Variants in CASK observed in about 807,000 individuals in gnomAD.
CASK encodes the protein peripheral plasma membrane protein CASK.
CASK carries 4 observed loss-of-function variants against 82.9 expected under a neutral mutation model. That is an observed-to-expected ratio of 0.05 (90% CI 0.02 to 0.11). The LOEUF is 0.11. Among genes scored for constraint, CASK ranks in the 10% least tolerant of loss-of-function variants. The pLI, the probability that CASK is intolerant of heterozygous loss-of-function variation, is 1.00. For synonymous variants in CASK, 259 were observed against 253.5 expected (o/e 1.02, Z -0.20); for missense variants, 358 against 720.9 (o/e 0.50, Z 5.76).
intron 11 of CASK, among the ~76,000 whole-genome samples, chrX:41,618,478 T>G (rs1294355198): frequency 1.8e-5 from 2 of 111,235 alleles, no homozygotes; most frequent in Middle Eastern, 4.2e-3. Flanking sequence ...TTTAAAAAGT[T>G]TTTTGTAGAG....
chrX:41,789,952 CAG>C lies in CASK; in HGVS notation c.173-2671_173-2670del, dbSNP rs534961203. Among the ~76,000 whole-genome samples the C allele has an allele frequency of 5.0e-4, 56 of 111,231 alleles. No homozygotes were observed. The South Asian group carries it at 0.021, about 41-fold the overall frequency. On this transcript the variant is annotated intron_variant, in intron 2 of 26. Coordinates refer to ENST00000378163, the MANE Select transcript of CASK (RefSeq NM_001367721.1). Reference sequence around the variant, plus strand: ...AAATTGTATTTTTCCTTTTTTGAGACAGAGTCTTGCTCTGTTGCCCAGGTTGG... The same window carrying C: ...AAATTGTATTTTTCCTTTTTTGAGACAGTCTTGCTCTGTTGCCCAGGTTGG...
intron 5 of CASK, among the ~76,000 whole-genome samples, chrX:41,677,365 G>A (rs1248144623): frequency 9.0e-6 from 1 of 111,201 alleles, no homozygotes; most frequent in Admixed American, 9.6e-5. Context: ...AATATCTGAA[G>A]TCAGAAGAAA....
chrX:41,718,176 C>T (rs1157001887), intron 5 of CASK, among the ~76,000 whole-genome samples: 1 of 113,262 alleles, frequency 8.8e-6, no homozygotes, highest in Non-Finnish European at 1.9e-5. Flanking sequence ...GTGGAGGTTC[C>T]TGGAGGGTGA....
intron 8 of CASK, among the ~76,000 whole-genome samples, chrX:41,650,311 A>T (rs1287353265): frequency 9.0e-6 from 1 of 111,126 alleles, no homozygotes; most frequent in Admixed American, 9.6e-5. Context: ...TTAGCTGGTT[A>T]TTTTGCTCGT....
chrX:41,919,708 A>G (rs748930968), intron 1 of CASK, among the ~76,000 whole-genome samples: 75 of 112,329 alleles, frequency 6.7e-4, no homozygotes, highest in Non-Finnish European at 1.2e-3. Context: ...AGATAGTTAC[A>G]TAGAAAATGT....
chrX:41,631,489 A>G (rs1165728967), intron 9 of CASK, among the ~76,000 whole-genome samples: 3 of 111,386 alleles, frequency 2.7e-5, no homozygotes, highest in African/African-American at 9.8e-5. Context: ...TTGTTTTGAG[A>G]TAGAATTTCG....
At chrX:41,900,871 G>A (rs780839529) in intron 1 of CASK, among the ~76,000 whole-genome samples, 25 of 103,814 alleles carry the variant, frequency 2.4e-4, no homozygotes, top group Non-Finnish European at 4.3e-4. Flanking sequence ...TCAGCCTCCC[G>A]AGTAGCTGGG....
rs1346439442 is a variant in CASK at position 41,923,170 on chromosome X, A to C, written c.-182T>G. On this transcript the variant is annotated 5_prime_UTR_variant, in exon 1 of 27. Transcript: ENST00000378163. Reference sequence around the variant, plus strand: ...ACTGCGGCGCCTTCCTCTGCAGGCGACCGCCCCGGCGCGGGCGGCGGGGCC... The same window carrying C: ...ACTGCGGCGCCTTCCTCTGCAGGCGCCCGCCCCGGCGCGGGCGGCGGGGCC... The C allele has an allele frequency of 2.0e-5, 4 of 201,198 alleles. No individual in the cohort carries two copies. Among genetic ancestry groups the C allele is most frequent in the Non-Finnish European group, 3.6e-5 (4 of 112,424 alleles). 16.6% of individuals were successfully genotyped at this position (201,198 alleles called of 1,213,427 possible).
chrX:41,565,958 A>C (rs1168468599), intron 16 of CASK, among the ~76,000 whole-genome samples: 2 of 112,200 alleles, frequency 1.8e-5, no homozygotes, highest in African/African-American at 6.5e-5. Flanking sequence ...GTAATCCATC[A>C]TATAAACAGA....
chrX:41,581,771 A>G (rs1427642984), intron 14 of CASK, among the ~76,000 whole-genome samples: 2 of 109,547 alleles, frequency 1.8e-5, no homozygotes, highest in African/African-American at 6.6e-5. Flanking sequence ...TCAGAATTAT[A>G]TTTCCCACAT....
chrX:41,521,981 G>C (rs1022700539), intron 26 of CASK, among the ~76,000 whole-genome samples: 1 of 111,853 alleles, frequency 8.9e-6, no homozygotes, highest in Admixed American at 9.5e-5. Context: ...CTAAAATCAA[G>C]AGACTGAGCA....
intron 5 of CASK, among the ~76,000 whole-genome samples, chrX:41,699,916 A>T (rs1334315721): frequency 8.9e-6 from 1 of 111,817 alleles, no homozygotes; most frequent in Non-Finnish European, 1.9e-5. Context: ...ACTAAGCATT[A>T]GTATTTGCAA....
chrX:41,578,286 A>G, intron 15 of CASK, 54 bp downstream of exon 15: 2 of 909,252 alleles, frequency 2.2e-6, no homozygotes, highest in Non-Finnish European at 3.2e-6. Context: ...GTTAGTTGAT[A>G]TAACTCATGC....
At chrX:41,571,394 C>T (rs183844264) in intron 15 of CASK, among the ~76,000 whole-genome samples, 40 of 111,559 alleles carry the variant, frequency 3.6e-4, no homozygotes, top group African/African-American at 1.2e-3. Context: ...TTAGTAGTTT[C>T]TGTCTCCCAG....
chrX:41,806,687 G>T (rs937117269), intron 2 of CASK, among the ~76,000 whole-genome samples: 19 of 112,058 alleles, frequency 1.7e-4, no homozygotes, highest in African/African-American at 6.2e-4. Flanking sequence ...CCATGCTATT[G>T]AGTGAACTCC....
Position 41,517,515 on chromosome X carries a change from T to G in CASK, c.*2905A>C, listed in dbSNP as rs1252144232. On this transcript the variant is annotated 3_prime_UTR_variant, in exon 27 of 27. Coordinates refer to ENST00000378163, the MANE Select transcript of CASK (RefSeq NM_001367721.1). ...ACTGGAAAATCAGGACATTTCATCT[T>G]TTTAACAAAGAATTCAACATATAAA... 2 of 278,086 alleles carry G rather than the reference T, an allele frequency of 7.2e-6. No individual in the cohort carries two copies. Among genetic ancestry groups the G allele is most frequent in the African/African-American group, 2.8e-5 (1 of 36,210 alleles). 22.9% of individuals were successfully genotyped at this position (278,086 alleles called of 1,213,427 possible). A position where few individuals can be genotyped will look rare whatever the true frequency, so the allele number is the denominator to read the frequency against.
intron 11 of CASK, among the ~76,000 whole-genome samples, chrX:41,613,093 G>A (rs2066127144): frequency 9.0e-6 from 1 of 111,234 alleles, no homozygotes; most frequent in Admixed American, 9.4e-5. Flanking sequence ...GGGAAGTGAG[G>A]AGCCCCTCTG....
chrX:41,858,502 C>T (rs1440193357), intron 1 of CASK, among the ~76,000 whole-genome samples: 2 of 111,496 alleles, frequency 1.8e-5, no homozygotes, highest in Non-Finnish European at 3.8e-5. Flanking sequence ...CAGCCAGTGC[C>T]CCCCACCAAA....
At chrX:41,641,887 C>A (rs1160295590) in intron 8 of CASK, among the ~76,000 whole-genome samples, 2 of 102,606 alleles carry the variant, frequency 1.9e-5, no homozygotes, top group Admixed American at 1.1e-4. Flanking sequence ...TAATGCTATC[C>A]CTCTCCCCTC....
Sources: gnomAD v4.1 joint callset for allele counts (sites outside exome capture counted in the v4.1 genomes callset) on GRCh38, gnomAD v4.1.1 for gene constraint, MANE v1.5 for transcripts, NCBI Gene and HGNC (gene_info 2026-07-23, HGNC 2026-07-21) for gene names.